The following CPNE4 variants were observed in gnomAD, a reference collection of about 807,000 sequenced individuals.
CPNE4 encodes the protein copine-4.
CPNE4 carries 25 observed loss-of-function variants against 67.9 expected under a neutral mutation model. That is an observed-to-expected ratio of 0.37 (90% CI 0.27 to 0.51). CPNE4 has a LOEUF of 0.51. Among genes scored for constraint, CPNE4 ranks in the 20% least tolerant of loss-of-function variants. CPNE4 has a pLI of 0.93. For synonymous variants in CPNE4, 242 were observed against 244.9 expected (o/e 0.99, Z 0.11); for missense variants, 464 against 690.8 (o/e 0.67, Z 3.68).
intron 1 of CPNE4, among the ~76,000 whole-genome samples, chr3:131,942,421 CGTGTGTGTGTGTGTGT>C (rs745460930): frequency 6.7e-5 from 6 of 89,670 alleles, no homozygotes; most frequent in Middle Eastern, 5.9e-3. Flanking sequence ...CTAGCTTCCT[CGTGTGTGTGTGTGTGT>C]GTGTGTGTGT....
intron 2 of CPNE4, among the ~76,000 whole-genome samples, chr3:131,853,585 T>C (rs949340973): frequency 2.0e-5 from 3 of 151,778 alleles, no homozygotes; most frequent in African/African-American, 7.3e-5. Flanking sequence ...AATCAAAGTT[T>C]AACCAAACTT....
intron 2 of CPNE4, among the ~76,000 whole-genome samples, chr3:131,792,422 T>C (rs1434169620): frequency 6.6e-6 from 1 of 151,450 alleles, no homozygotes; most frequent in African/African-American, 2.4e-5. Flanking sequence ...GAAAACTATG[T>C]CCACATTTGC....
At chr3:131,983,322 T>G (rs1012676119) in intron 1 of CPNE4, among the ~76,000 whole-genome samples, 3 of 152,214 alleles carry the variant, frequency 2.0e-5, no homozygotes, top group African/African-American at 7.2e-5. Context: ...CTGGTAAGAC[T>G]AATTTACACT....
intron 5 of CPNE4, among the ~76,000 whole-genome samples, chr3:131,695,445 A>C (rs1222127350): frequency 6.6e-6 from 1 of 152,226 alleles, no homozygotes; most frequent in African/African-American, 2.4e-5. Flanking sequence ...CTATAACATA[A>C]ATCAGTTAGA....
chr3:131,831,326 C>T (rs2085360319), intron 2 of CPNE4, among the ~76,000 whole-genome samples: 5 of 152,024 alleles, frequency 3.3e-5, no homozygotes. Flanking sequence ...AAAATATGTG[C>T]TTCCCACACA....
intron 7 of CPNE4, chr3:131,620,372 T>A (rs745401929): frequency 5.4e-6 from 4 of 734,902 alleles, no homozygotes; most frequent in Non-Finnish European, 6.7e-6. Flanking sequence ...ATTGACAAAC[T>A]AGGCTACGGT....
At chr3:131,770,363 C>G (rs1195386444) in intron 2 of CPNE4, among the ~76,000 whole-genome samples, 1 of 152,198 alleles carries the variant, frequency 6.6e-6, no homozygotes, top group Non-Finnish European at 1.5e-5. Flanking sequence ...GGAAGGAAGG[C>G]CAAGAAATAC....
chr3:131,843,182 T>C (rs984278561), intron 2 of CPNE4, among the ~76,000 whole-genome samples: 6 of 152,134 alleles, frequency 3.9e-5, no homozygotes, highest in African/African-American at 1.4e-4. Flanking sequence ...ATTACTCCTA[T>C]CTCTATACAC....
At chr3:131,882,713 G>T (rs1409186325) in intron 2 of CPNE4, among the ~76,000 whole-genome samples, 2 of 145,078 alleles carry the variant, frequency 1.4e-5, no homozygotes, top group East Asian at 4.0e-4. Context: ...AGTAATTGCA[G>T]TTCTGCTCTA....
chr3:131,680,526 T>A (rs1583011678), intron 6 of CPNE4, among the ~76,000 whole-genome samples: 1 of 152,104 alleles, frequency 6.6e-6, no homozygotes, highest in Non-Finnish European at 1.5e-5. Flanking sequence ...TTTTAATGAC[T>A]CTGTCTTGAA....
At chr3:131,586,097 A>G (rs1356290857) in intron 8 of CPNE4, among the ~76,000 whole-genome samples, 2 of 152,154 alleles carry the variant, frequency 1.3e-5, no homozygotes, top group African/African-American at 4.8e-5. Context: ...CATATGAGAG[A>G]GCTGAAAAAT....
At chr3:131,632,692 C>T (rs1373482298) in intron 7 of CPNE4, among the ~76,000 whole-genome samples, 1 of 152,134 alleles carries the variant, frequency 6.6e-6, no homozygotes, top group Non-Finnish European at 1.5e-5. Flanking sequence ...AGATACTTCT[C>T]ATCTCTTTGA....
intron 1 of CPNE4, among the ~76,000 whole-genome samples, chr3:131,993,566 C>T (rs2073223349): frequency 7.6e-6 from 1 of 130,752 alleles, no homozygotes; most frequent in African/African-American, 2.5e-5. Context: ...TGCATAAGAC[C>T]AACATCCTAA....
intron 2 of CPNE4, among the ~76,000 whole-genome samples, chr3:131,898,770 GT>G (rs1560563019): frequency 6.6e-6 from 1 of 151,938 alleles, no homozygotes; most frequent in African/African-American, 2.4e-5. Context: ...ATTTGATTTT[GT>G]TTTCTTTTAT....
chr3:131,631,888 C>T (rs771206795), intron 7 of CPNE4, among the ~76,000 whole-genome samples: 8 of 147,546 alleles, frequency 5.4e-5, no homozygotes, highest in Admixed American at 3.3e-4. Context: ...CCCTCCCCAA[C>T]ACTTTTTTCT....
chr3:131,951,797 G>A (rs1236889923), intron 1 of CPNE4, among the ~76,000 whole-genome samples: 5 of 152,182 alleles, frequency 3.3e-5, no homozygotes, highest in East Asian at 3.9e-4. Flanking sequence ...GCTCCTAACC[G>A]CGAGTGATCC....
intron 2 of CPNE4, among the ~76,000 whole-genome samples, chr3:131,808,980 TA>T (rs1279334597): frequency 6.6e-6 from 1 of 152,188 alleles, no homozygotes; most frequent in East Asian, 1.9e-4. Context: ...GTGGTTTTTC[TA>T]ATGATACAGA....
chr3:131,862,001 G>A (rs955744991), intron 2 of CPNE4, among the ~76,000 whole-genome samples: 1 of 152,146 alleles, frequency 6.6e-6, no homozygotes, highest in African/African-American at 2.4e-5. Context: ...TCCCTACTCA[G>A]GATTAAGCAG....
intron 1 of CPNE4, among the ~76,000 whole-genome samples, chr3:131,961,370 G>T (rs2072167760): frequency 6.6e-6 from 1 of 152,042 alleles, no homozygotes; most frequent in South Asian, 2.1e-4. Context: ...TTTATCACTG[G>T]TTAAAGAGCA....
Sources: gnomAD v4.1 joint callset for allele counts (sites outside exome capture counted in the v4.1 genomes callset) on GRCh38, gnomAD v4.1.1 for gene constraint, MANE v1.5 for transcripts, NCBI Gene and HGNC (gene_info 2026-07-23, HGNC 2026-07-21) for gene names.